Variants in PARVB observed in about 807,000 individuals in gnomAD.
The protein encoded by PARVB is parvin beta.
In PARVB, 46 loss-of-function variants were observed where a neutral mutation model predicts 47.0. The observed-to-expected ratio is 0.98, with a 90% CI of 0.77 to 1.25. PARVB has a LOEUF of 1.25. PARVB is among the 50% of genes most tolerant of loss of function. PARVB has a pLI of 0.00. For synonymous variants in PARVB, 196 were observed against 196.3 expected, an observed-to-expected ratio of 1.00 and a Z score of 0.01; for missense variants, 473 against 471.6, an observed-to-expected ratio of 1.00 and a Z score of -0.03.
At chr22:44,136,064 A>G (rs1199429255) in intron 6 of PARVB, among the ~76,000 whole-genome samples, 1 of 152,228 alleles carries the variant, frequency 6.6e-6, no homozygotes, top group Non-Finnish European at 1.5e-5. Flanking sequence ...AGTCCCGTGC[A>G]CACACATGAT....
At chr22:44,031,581 C>T (rs115208133) in intron 1 of PARVB, 11 of 151,948 alleles carry the variant, frequency 7.2e-5, no homozygotes, top group East Asian at 1.9e-4. Context: ...GGCAGGTTCT[C>T]GGTGGTTCTC....
intron 3 of PARVB, chr22:44,110,112 C>CAAAAAAAA (rs59049954): frequency 3.9e-5 from 3 of 76,714 alleles, no homozygotes; most frequent in Admixed American, 1.8e-4. Context: ...GACTCCGTCT[C>CAAAAAAAA]AAAAAAAAAA....
Position 44,168,758 on chromosome 22 carries a change from C to G in PARVB, c.*80C>G. On this transcript the variant is annotated 3_prime_UTR_variant, in exon 13 of 13. Transcript: ENST00000338758. ...CTGTGCCCTGTGCCTTTCCAGGGAG[C>G]CAGGCGCCATGGGCTTCTGGTCCAA... The G allele has an allele frequency of 1.0e-6, 1 of 1,003,978 alleles. No individual in the cohort carries two copies. The highest frequency in any genetic ancestry group is 1.3e-5 in the South Asian group (1 of 77,208). The allele number at this position is 1,003,978 out of a possible 1,614,324, so 62.2% of individuals were successfully genotyped here.
intron 1 of PARVB, among the ~76,000 whole-genome samples, chr22:44,085,157 A>C (rs564183673): frequency 1.3e-5 from 2 of 152,174 alleles, no homozygotes; most frequent in East Asian, 3.9e-4. Flanking sequence ...ATTTATTTTA[A>C]AGTGTCTCAC....
chr22:44,048,398 G>A (rs921573406), intron 1 of PARVB, among the ~76,000 whole-genome samples: 3 of 151,950 alleles, frequency 2.0e-5, no homozygotes, highest in African/African-American at 7.3e-5. Context: ...TTGAGATGGA[G>A]TCCTGCTGTG....
At chr22:44,025,664 GC>G (rs1166073206) in intron 1 of PARVB, among the ~76,000 whole-genome samples, 8 of 152,192 alleles carry the variant, frequency 5.3e-5, no homozygotes, top group African/African-American at 1.7e-4. Flanking sequence ...ACCCACTGTA[GC>G]TTGTATTGGT....
intron 2 of PARVB, among the ~76,000 whole-genome samples, chr22:44,005,874 G>T (rs1223607259): frequency 6.6e-6 from 1 of 152,188 alleles, no homozygotes; most frequent in Non-Finnish European, 1.5e-5. Flanking sequence ...CCCACTTTGA[G>T]GAGTGTACTT....
intron 1 of PARVB, among the ~76,000 whole-genome samples, chr22:44,038,277 AAGCAAGAGGC>A (rs1237536199): frequency 2.0e-5 from 3 of 152,142 alleles, no homozygotes; most frequent in African/African-American, 7.2e-5. Flanking sequence ...TTTGCCCAGC[AAGCAAGAGGC>A]AGTCTAGTGT....
At chr22:44,039,927 G>C (rs929043246) in intron 1 of PARVB, 8 of 450,358 alleles carry the variant, frequency 1.8e-5, no homozygotes, top group African/African-American at 1.4e-4. Flanking sequence ...TGATCCTTCT[G>C]CCTCAGCCTC....
At chr22:44,076,215 G>A (rs1017769172) in intron 1 of PARVB, among the ~76,000 whole-genome samples, 4 of 152,228 alleles carry the variant, frequency 2.6e-5, no homozygotes, top group Admixed American at 1.3e-4. Context: ...GCTGAGTTGG[G>A]GGCCCCATGG....
At chr22:44,058,981 G>A (rs1032512276) in intron 1 of PARVB, among the ~76,000 whole-genome samples, 7 of 70,682 alleles carry the variant, frequency 9.9e-5, no homozygotes, top group African/African-American at 2.1e-4. Context: ...AGGGTGTGAT[G>A]GGGGGGGGAA....
rs182917031 is a variant in PARVB, at chr22:44,012,810, A to G, written c.211+13137A>G. On this transcript the variant is annotated intron_variant, in intron 2 of 13. Coordinates refer to the PARVB transcript ENST00000406477. ...AAAGAGCTACAGGCGGTTTTTATTT[A>G]TTTATTTATTTTGAGAAATATCAGC... is the stretch of plus-strand genomic sequence containing the variant. 6.1e-3 allele frequency among the ~76,000 whole-genome samples: 927 copies of G among 151,898 alleles called. 6 individuals carry two copies. Among genetic ancestry groups the G allele is most frequent in the African/African-American group, 0.021 (870 of 41,440 alleles).
At chr22:44,163,272 C>T (rs528165488) in intron 11 of PARVB, among the ~76,000 whole-genome samples, 1 of 152,244 alleles carries the variant, frequency 6.6e-6, no homozygotes, top group Non-Finnish European at 1.5e-5. Flanking sequence ...GAGTTAGAGA[C>T]TAGCCTGACC....
At chr22:44,120,376 C>T (rs941990062) in intron 4 of PARVB, among the ~76,000 whole-genome samples, 1 of 152,228 alleles carries the variant, frequency 6.6e-6, no homozygotes, top group Non-Finnish European at 1.5e-5. Flanking sequence ...TCTCTCCGTT[C>T]TGTTCTGTCT....
intron 10 of PARVB, 165 bp downstream of exon 10, chr22:44,151,716 T>C (rs2053814873): frequency 1.7e-6 from 1 of 594,214 alleles, no homozygotes; most frequent in Non-Finnish European, 3.1e-6. Context: ...TCAGCCCCTC[T>C]GTCTTCCTTT....
At chr22:44,001,873 C>T (rs2050416207) in intron 2 of PARVB, among the ~76,000 whole-genome samples, 4 of 152,324 alleles carry the variant, frequency 2.6e-5, no homozygotes, top group South Asian at 4.1e-4. Flanking sequence ...CCAGGGCTTT[C>T]CTTGAGACAT....
Position 44,096,849 on chromosome 22 carries a change from G to C in PARVB, c.202+2832G>C, listed in dbSNP as rs559057245. Among the ~76,000 whole-genome samples the C allele has an allele frequency of 6.6e-5, 10 of 152,272 alleles. No homozygotes were observed. In the East Asian group the frequency reaches 1.9e-3, roughly 29 times the overall value. On this transcript the variant is annotated intron_variant, in intron 2 of 12. Coordinates refer to ENST00000338758, the MANE Select transcript of PARVB (RefSeq NM_013327.5). The stretch of plus-strand genomic sequence containing the variant: ...TCGGTTCCCACAAAACACTGGCACA[G>C]AGATACCACCCTGGCCTCTGGGCAC...
intron 2 of PARVB, among the ~76,000 whole-genome samples, chr22:44,008,752 G>A (rs1603422170): frequency 6.6e-6 from 1 of 151,918 alleles, no homozygotes; most frequent in African/African-American, 2.4e-5. Context: ...TTGAGAGGCC[G>A]AGGCAGGCGG....
intron 1 of PARVB, among the ~76,000 whole-genome samples, chr22:44,078,963 G>T (rs746685373): frequency 1.2e-4 from 18 of 152,190 alleles, no homozygotes; most frequent in Non-Finnish European, 2.1e-4. Flanking sequence ...TTGACCTAAG[G>T]TGATCCACCC....
Sources: gnomAD v4.1 joint callset for allele counts (sites outside exome capture counted in the v4.1 genomes callset) on GRCh38, gnomAD v4.1.1 for gene constraint, MANE v1.5 for transcripts, NCBI Gene and HGNC (gene_info 2026-07-23, HGNC 2026-07-21) for gene names.